Variants in USH2A observed in about 807,000 individuals in gnomAD.
USH2A encodes the protein usherin.
USH2A carries 443 observed loss-of-function variants against 538.9 expected under a neutral mutation model. The observed-to-expected ratio is 0.82, with a 90% CI of 0.76 to 0.89. The LOEUF (loss-of-function observed/expected upper bound fraction) is 0.89, where lower values mean the gene tolerates loss of function less well. USH2A is among the 40% of genes least tolerant of loss of function. The probability of loss-of-function intolerance (pLI) is 0.00; values close to 1 mark genes in which losing one functional copy is unlikely to be tolerated. For synonymous variants in USH2A, 2,413 were observed against 2,273.5 expected, an observed-to-expected ratio of 1.06 and a Z score of -1.75; for missense variants, 6,633 against 6,324.8, an observed-to-expected ratio of 1.05 and a Z score of -1.65.
At chr1:215,772,518 T>C (rs562997634) in intron 55 of USH2A, among the ~76,000 whole-genome samples, 3 of 152,218 alleles carry the variant, frequency 2.0e-5, no homozygotes, top group Non-Finnish European at 2.9e-5. Flanking sequence ...TCATTACAAT[T>C]ACACTTCCAA....
rs181181803 is a variant in USH2A, at chr1:215,782,794, A to G, written c.10529T>C (p.Ile3510Thr). The G allele has an allele frequency of 1.2e-6, 2 of 1,613,952 alleles. No individual in the cohort carries two copies. The highest frequency in any genetic ancestry group is 1.1e-5 in the South Asian group (1 of 91,084). The part of the protein sequence containing the change: ...QGVSPPTWTK[I>T]DNLEDTIVLN... ...GACAATTGTATCTTCAAGATTGTCT[A>G]TTTTGGTCCACGTAGGGGGACTCAC... Residue 3510 changes from isoleucine to threonine, a missense_variant, in exon 53 of 72, where the codon ATA becomes ACA. Transcript: ENST00000307340.
At chr1:215,848,410 T>A (rs904027510) in intron 44 of USH2A, among the ~76,000 whole-genome samples, 1 of 152,244 alleles carries the variant, frequency 6.6e-6, no homozygotes, top group Admixed American at 6.5e-5. Flanking sequence ...GTGCCTGTTA[T>A]CTGCACTATC....
intron 21 of USH2A, among the ~76,000 whole-genome samples, chr1:216,134,853 T>C (rs2033449227): frequency 2.0e-5 from 3 of 152,134 alleles, no homozygotes; most frequent in Admixed American, 2.0e-4. Flanking sequence ...CAAGAATCGA[T>C]GGCAAGTAAA....
rs1558027634 is a variant in USH2A, at chr1:215,627,465, C to CTTCCTTCCTTCCTTCCTTCCTTCT, written c.15519+1348_15519+1349insAGAAGGAAGGAAGGAAGGAAGGAA. On this transcript the variant is annotated intron_variant, in intron 71 of 71. Transcript: ENST00000307340. The stretch of plus-strand genomic sequence containing the variant: ...CCTTCCTTCCTTCCTTCCTTCCTTC[C>CTTCCTTCCTTCCTTCCTTCCTTCT]TTCCTTCCTTCCTTCCTTCTTTCCT... Among the ~76,000 whole-genome samples the CTTCCTTCCTTCCTTCCTTCCTTCT allele has an allele frequency of 1.1e-3, 152 of 132,716 alleles. 4 individuals are homozygous for CTTCCTTCCTTCCTTCCTTCCTTCT. The highest frequency in any genetic ancestry group is 4.6e-3 in the African/African-American group (146 of 31,898). 87.1% of individuals were successfully genotyped at this position (132,716 alleles called of 152,430 possible). A position where few individuals can be genotyped will look rare whatever the true frequency, so the allele number is the denominator to read the frequency against.
intron 26 of USH2A, among the ~76,000 whole-genome samples, chr1:216,080,264 T>C (rs547666335): frequency 6.6e-6 from 1 of 152,186 alleles, no homozygotes; most frequent in East Asian, 1.9e-4. Context: ...AAGGGTCTTG[T>C]AGTAGAAAAT....
chr1:216,375,146 A>G (rs1476491455), intron 3 of USH2A, among the ~76,000 whole-genome samples: 3 of 152,132 alleles, frequency 2.0e-5, no homozygotes, highest in Non-Finnish European at 1.5e-5. Context: ...GGGTTAGGGC[A>G]CCTACCACCT....
intron 13 of USH2A, among the ~76,000 whole-genome samples, chr1:216,243,046 A>G (rs2035967542): frequency 6.6e-6 from 1 of 152,182 alleles, no homozygotes; most frequent in Non-Finnish European, 1.5e-5. Context: ...ACAAAATATA[A>G]TAATCCAAAT....
chr1:216,210,132 CA>C (rs2035207153), intron 15 of USH2A, among the ~76,000 whole-genome samples: 1 of 152,064 alleles, frequency 6.6e-6, no homozygotes, highest in Middle Eastern at 3.2e-3. Flanking sequence ...AGGGTTTCCC[CA>C]CTCAGTCGAT....
intron 27 of USH2A, among the ~76,000 whole-genome samples, chr1:216,075,738 T>A: frequency 6.6e-6 from 1 of 152,110 alleles, no homozygotes; most frequent in East Asian, 1.9e-4. Context: ...TCTAAGAAGA[T>A]AAACTCTCAT....
chr1:216,090,655 A>G (rs566287057), intron 22 of USH2A, among the ~76,000 whole-genome samples: 1 of 152,088 alleles, frequency 6.6e-6, no homozygotes, highest in Non-Finnish European at 1.5e-5. Context: ...ATATTTTACA[A>G]ACACACATTT....
chr1:215,767,551 C>T (rs1661167887), intron 55 of USH2A, among the ~76,000 whole-genome samples: 1 of 152,058 alleles, frequency 6.6e-6, no homozygotes, highest in East Asian at 1.9e-4. Flanking sequence ...TTACTTCTTT[C>T]GTATTCAGAA....
At chr1:215,730,896 A>G (rs1045222779) in intron 60 of USH2A, among the ~76,000 whole-genome samples, 1 of 152,196 alleles carries the variant, frequency 6.6e-6, no homozygotes, top group Non-Finnish European at 1.5e-5. Flanking sequence ...ATCAGGTACC[A>G]GGTGTGTCAT....
chr1:216,261,581 A>C (rs1020025411), intron 11 of USH2A, among the ~76,000 whole-genome samples: 1 of 152,154 alleles, frequency 6.6e-6, no homozygotes. Context: ...AAAAGGAAAA[A>C]AAATTAAAGG....
At chr1:216,354,974 C>G (rs1013924814) in intron 4 of USH2A, among the ~76,000 whole-genome samples, 1 of 151,924 alleles carries the variant, frequency 6.6e-6, no homozygotes, top group African/African-American at 2.4e-5. Flanking sequence ...AAACTGATAA[C>G]ATGAAAGATA....
At chr1:216,141,142 A>T (rs983732291) in intron 21 of USH2A, among the ~76,000 whole-genome samples, 5 of 152,248 alleles carry the variant, frequency 3.3e-5, no homozygotes, top group African/African-American at 1.2e-4. Context: ...GGTGTGCGGA[A>T]AAAGTAAGAC....
At chr1:216,259,428 C>T (rs1432609380) in intron 11 of USH2A, among the ~76,000 whole-genome samples, 2 of 152,004 alleles carry the variant, frequency 1.3e-5, no homozygotes, top group East Asian at 1.9e-4. Flanking sequence ...GAAGATGTTG[C>T]TGCCAAATAC....
Position 216,422,160 on chromosome 1 carries a change from T to C in USH2A, c.177A>G (p.Gly59=). 6.2e-7 allele frequency: 1 copy of C among 1,613,552 alleles called. No individual in the cohort carries two copies. Among genetic ancestry groups the C allele is most frequent in the African/African-American group, 1.3e-5 (1 of 74,932 alleles). The change falls in exon 2 of 72, where the codon GGA becomes GGG. Residue 59 remains glycine, a synonymous_variant. Coordinates refer to ENST00000307340, the MANE Select transcript of USH2A (RefSeq NM_206933.4). ...VSIVPTQAVC[G]LPDRSTFCHS... is the part of the protein sequence containing the mutation. ...GACAAAAAGTGCTTCGGTCTGGGAG[T>C]CCACATACTGCTTGGGTTGGCACGA...
chr1:215,885,257 A>T (rs1007731781), intron 41 of USH2A, among the ~76,000 whole-genome samples: 22 of 151,914 alleles, frequency 1.4e-4, no homozygotes, highest in African/African-American at 5.3e-4. Flanking sequence ...TTCTACTTTA[A>T]TTGGTTGATG....
intron 5 of USH2A, among the ~76,000 whole-genome samples, chr1:216,326,351 C>A (rs113797715): frequency 1.1e-3 from 163 of 152,300 alleles, no homozygotes; most frequent in African/African-American, 3.8e-3. Context: ...CCAGAGAAAC[C>A]AGGCTTTTCC....
Sources: gnomAD v4.1 joint callset for allele counts (sites outside exome capture counted in the v4.1 genomes callset) on GRCh38, gnomAD v4.1.1 for gene constraint, MANE v1.5 for transcripts, NCBI Gene and HGNC (gene_info 2026-07-23, HGNC 2026-07-21) for gene names.